The following DUSP28 variants were observed in gnomAD, a reference collection of about 807,000 sequenced individuals.
DUSP28 encodes dual specificity phosphatase 28.
A neutral mutation model predicts 8.4 loss-of-function variants in DUSP28; 11 were observed. The ratio of observed to expected loss-of-function variants is 1.31; its 90% CI spans 0.83 to 2.17. The LOEUF (loss-of-function observed/expected upper bound fraction) is 2.17. DUSP28 is among the 30% of genes most tolerant of loss of function. The pLI is 0.00. For synonymous variants in DUSP28, 178 were observed against 130.9 expected (o/e 1.36, Z -2.46); for missense variants, 373 against 270.4 (o/e 1.38, Z -2.66).
At position 240,561,446 on chromosome 2, in the gene DUSP28, A is replaced by C. The variant is rs1490878513; in HGVS notation, c.510A>C (p.Leu170Phe). 6.2e-7 allele frequency: 1 copy of C among 1,613,604 alleles called. No homozygotes were observed. The highest frequency in any genetic ancestry group is 8.5e-7 in the Non-Finnish European group (1 of 1,179,964). ...GCCTGCAGGGAGAGCCCCCAGCCTT[A>C]GGGTTGGGCCCTGAGGCTTGAAGCT... ...QSCLQGEPPA[L>F]GLGPEA The change falls in exon 2 of 2, where the codon TTA (leucine) becomes TTC (phenylalanine). Residue 170 changes from leucine to phenylalanine, a missense_variant. Coordinates refer to ENST00000405954, the MANE Select transcript of DUSP28 (RefSeq NM_001370465.2).
rs866492313 is a variant in DUSP28, at chr2:240,562,749, G to A, written c.*1282G>A. 6.6e-6 allele frequency: 1 copy of A among 152,238 alleles called. No individual in the cohort carries two copies. The highest frequency in any genetic ancestry group is 1.5e-5 in the Non-Finnish European group (1 of 68,036). The allele number at this position is 152,238 out of a possible 1,614,324, so 9.4% of individuals were successfully genotyped here. On this transcript the variant is annotated 3_prime_UTR_variant, in exon 2 of 2. Coordinates refer to ENST00000405954, the MANE Select transcript of DUSP28 (RefSeq NM_001370465.2). ...CTTGTTAAATGTCTTAACATTGCAA[G>A]TGAGGGTTCCCATTTTATCAGAAAA...
In DUSP28 at chr2:240,561,074, C is replaced by T. The variant is rs201249226; in HGVS notation, c.390C>T (p.Phe130=). 8.7e-4 allele frequency: 1,288 copies of T among 1,485,954 alleles called. 15 individuals carry two copies. In the African/African-American group the frequency reaches 0.016, roughly 19 times the overall value. 92.0% of individuals were successfully genotyped at this position (1,485,954 alleles called of 1,614,324 possible). A position where few individuals can be genotyped will look rare whatever the true frequency, so the allele number is the denominator to read the frequency against. The change falls in exon 1 of 2, where the codon TTC becomes TTT. Residue 130 remains phenylalanine (F), a synonymous_variant. Transcript: ENST00000405954. ...RHRGLSLAKA[F]QMVKSARPVA... ...GCGGCCTCAGCCTGGCGAAGGCCTT[C>T]CAGGTGGGCGGGCCTTTAGGGGGGC...
chr2:240,561,230 T>C, intron 1 of DUSP28, 100 bp from the exon 2 acceptor site: 1 of 1,588,204 alleles, frequency 6.3e-7, no homozygotes, highest in Non-Finnish European at 8.5e-7. Context: ...AGAGAGGCAC[T>C]TCCGGGTTGG....
rs2092964909 is a variant in DUSP28, at chr2:240,561,769, A to T, written c.*302A>T. 2.8e-6 allele frequency: 1 copy of T among 357,954 alleles called. No individual in the cohort carries two copies. The highest frequency in any genetic ancestry group is 5.1e-6 in the Non-Finnish European group (1 of 195,110). 22.2% of individuals were successfully genotyped at this position (357,954 alleles called of 1,614,324 possible). A position where few individuals can be genotyped will look rare whatever the true frequency, so the allele number is the denominator to read the frequency against. On this transcript the variant is annotated 3_prime_UTR_variant, in exon 2 of 2. Transcript: ENST00000405954. The stretch of plus-strand genomic sequence containing the variant: ...CCGGCGCATTCTACCAGTCTCAGGG[A>T]AGGACATGAGTACAGACTACAGTAA...
Position 240,560,551 on chromosome 2 carries a change from G to T in DUSP28, c.-134G>T, listed in dbSNP as rs2092884106. 6.4e-6 allele frequency: 8 copies of T among 1,245,556 alleles called. No homozygotes were observed. Among genetic ancestry groups the T allele is most frequent in the South Asian group, 4.6e-5 (2 of 43,928 alleles). The allele number at this position is 1,245,556 out of a possible 1,614,324, so 77.2% of individuals were successfully genotyped here. On this transcript the variant is annotated 5_prime_UTR_variant, in exon 1 of 2. Transcript: ENST00000405954. The stretch of plus-strand genomic sequence containing the variant: ...CGCGGGGGACCCAAGCCCCAGCCTG[G>T]TCCACCTCGGAGGCCTCTAGGACCC...
rs746519026 is a variant in DUSP28 at position 240,561,333 on chromosome 2, G to T, written c.397G>T (p.Val133Leu). 5 of 1,613,852 alleles carry T rather than the reference G, an allele frequency of 3.1e-6. No homozygotes were observed. In the Admixed American group the frequency reaches 8.3e-5, roughly 27 times the overall value. ...GLSLAKAFQM[V>L]KSARPVAEPN... ...TCAGTACACTTCTTGTTTGCAGATG[G>T]TGAAGAGCGCTCGCCCGGTAGCAGA... Residue 133 changes from valine (V) to leucine (L), a missense_variant, in exon 2 of 2, where the codon GTG becomes TTG. Val to Leu is a conservative substitution (Grantham distance 32, BLOSUM62 1). Coordinates refer to ENST00000405954, the MANE Select transcript of DUSP28 (RefSeq NM_001370465.2).
Position 240,564,264 on chromosome 2 carries a change from C to G in DUSP28, c.*2797C>G, listed in dbSNP as rs1320617155. Among the ~76,000 whole-genome samples the G allele has an allele frequency of 1.3e-5, 2 of 152,238 alleles. No homozygotes were observed. Among genetic ancestry groups the G allele is most frequent in the African/African-American group, 4.8e-5 (2 of 41,468 alleles). ...CAAGAGAATCCTCCACCTCAGTGGC[C>G]CTGAAGTGGCCTGAAGGGCCCGCTC... On this transcript the variant is annotated 3_prime_UTR_variant, in exon 2 of 2. Coordinates refer to ENST00000405954, the MANE Select transcript of DUSP28 (RefSeq NM_001370465.2).
chr2:240,564,348 A>G lies in DUSP28; in HGVS notation c.*2881A>G, dbSNP rs1403107448. Among the ~76,000 whole-genome samples the G allele has an allele frequency of 6.6e-6, 1 of 152,194 alleles. No individual in the cohort carries two copies. Among genetic ancestry groups the G allele is most frequent in the East Asian group, 1.9e-4 (1 of 5,190 alleles). On this transcript the variant is annotated 3_prime_UTR_variant, in exon 2 of 2. Transcript: ENST00000405954. ...TGGTCCCACGGCACCACGGCCGCCCAGTGCACTCGCCTCCACACTGAGTTT... is the reference window on the plus strand; with the variant it reads ...TGGTCCCACGGCACCACGGCCGCCCGGTGCACTCGCCTCCACACTGAGTTT...
intron 1 of DUSP28, 41 bp from the exon 2 acceptor site, chr2:240,561,289 T>A (rs764534498): frequency 6.2e-7 from 1 of 1,612,892 alleles, no homozygotes; most frequent in South Asian, 1.1e-5. Context: ...TGCTGGCCAT[T>A]AGCGCGACTT....
rs140331002 is a variant in DUSP28 at position 240,561,424 on chromosome 2, T to C, written c.488T>C (p.Leu163Pro). Residue 163 changes from leucine (L) to proline (P), a missense_variant, in exon 2 of 2, where the codon CTG becomes CCG. Transcript: ENST00000405954. ...GAGGCCCTCCAGGCCCAGTCCTGCC[T>C]GCAGGGAGAGCCCCCAGCCTTAGGG... ...YEEALQAQSC[L>P]QGEPPALGLG... 3.5e-5 allele frequency: 57 copies of C among 1,613,620 alleles called. 1 individual carries two copies. The Admixed American group carries it at 8.3e-4, about 24-fold the overall frequency.
rs1338526511 is a variant in DUSP28, at chr2:240,561,071, C to T, written c.387C>T (p.Ala129=). 9 of 1,487,060 alleles carry T rather than the reference C, an allele frequency of 6.1e-6. No individual in the cohort carries two copies. The South Asian group carries it at 9.2e-5, about 15-fold the overall frequency. 92.1% of individuals were successfully genotyped at this position (1,487,060 alleles called of 1,614,324 possible). The change falls in exon 1 of 2, where the codon GCC becomes GCT. Residue 129 remains alanine, a synonymous_variant. Transcript: ENST00000405954. ...ACCGCGGCCTCAGCCTGGCGAAGGC[C>T]TTCCAGGTGGGCGGGCCTTTAGGGG... is the stretch of plus-strand genomic sequence containing the variant. The part of the protein sequence containing the change: ...MRHRGLSLAK[A]FQMVKSARPV...
intron 1 of DUSP28, 66 bp downstream of exon 1, chr2:240,561,143 G>A (rs1205192663): frequency 3.7e-5 from 54 of 1,456,416 alleles, no homozygotes; most frequent in Non-Finnish European, 4.9e-5. Context: ...AGTTTTCCGG[G>A]CGGGGCCGGC....
chr2:240,560,260 G>A (rs1009500100), upstream of DUSP28: 1 of 160,076 alleles, frequency 6.2e-6, no homozygotes, highest in African/African-American at 2.4e-5. Context: ...CGGGGCCCTA[G>A]CCGAACGACG....
rs2092978751 is a variant in DUSP28 at position 240,562,368 on chromosome 2, G to A, written c.*901G>A. 1 of 152,232 alleles carries A rather than the reference G, an allele frequency of 6.6e-6. No homozygotes were observed. The highest frequency in any genetic ancestry group is 2.1e-4 in the South Asian group (1 of 4,834). The allele number at this position is 152,232 out of a possible 1,614,324, so 9.4% of individuals were successfully genotyped here. Reference sequence around the variant, plus strand: ...CCCAAAGTGCTGGGATTACAGGCGTGAGCCACCGTGCCCAGCCTCCTTTTT... The same window carrying A: ...CCCAAAGTGCTGGGATTACAGGCGTAAGCCACCGTGCCCAGCCTCCTTTTT... On this transcript the variant is annotated 3_prime_UTR_variant, in exon 2 of 2. Coordinates refer to ENST00000405954, the MANE Select transcript of DUSP28 (RefSeq NM_001370465.2).
chr2:240,560,652 C>T lies in DUSP28; in HGVS notation c.-33C>T. ...CGCCTGAGCCCCCAAAATAGATCCT[C>T]AGGGCCCAAAAGCAGACTCTTCGGC... On this transcript the variant is annotated 5_prime_UTR_variant, in exon 1 of 2. Transcript: ENST00000405954. The T allele has an allele frequency of 6.8e-7, 1 of 1,476,316 alleles. No individual in the cohort carries two copies. The highest frequency in any genetic ancestry group is 2.6e-5 in the Admixed American group (1 of 38,502). The allele number at this position is 1,476,316 out of a possible 1,614,324, so 91.5% of individuals were successfully genotyped here.
In DUSP28 at chr2:240,560,904, C is replaced by A; in HGVS notation, c.220C>A (p.Pro74Thr). ...AELRVPVFDD[P>T]AEDLLAHLEP... Reference sequence around the variant, plus strand: ...GCTGCGCGTGCCCGTGTTCGACGACCCGGCTGAGGACCTGCTGGCGCACCT... The same window carrying A: ...GCTGCGCGTGCCCGTGTTCGACGACACGGCTGAGGACCTGCTGGCGCACCT... Residue 74 changes from proline to threonine, a missense_variant, in exon 1 of 2, where the codon CCG (proline) becomes ACG (threonine). Coordinates refer to ENST00000405954, the MANE Select transcript of DUSP28 (RefSeq NM_001370465.2). 1 of 1,526,388 alleles carries A rather than the reference C, an allele frequency of 6.6e-7. No individual in the cohort carries two copies. Among genetic ancestry groups the A allele is most frequent in the Non-Finnish European group, 8.7e-7 (1 of 1,150,554 alleles). 94.6% of individuals were successfully genotyped at this position (1,526,388 alleles called of 1,614,324 possible).
In DUSP28 at chr2:240,562,996, T is replaced by C. The variant is rs1019331612; in HGVS notation, c.*1529T>C. The C allele has an allele frequency of 2.0e-5, 3 of 153,752 alleles. No individual in the cohort carries two copies. The highest frequency in any genetic ancestry group is 1.3e-4 in the Admixed American group (2 of 15,282). 9.5% of individuals were successfully genotyped at this position (153,752 alleles called of 1,614,324 possible). ...ACAATGCTGTGAGCTGGAATCCTCT[T>C]TCAGGTACCAAATGTCACCATACTT... On this transcript the variant is annotated 3_prime_UTR_variant, in exon 2 of 2. Transcript: ENST00000405954.
Position 240,563,943 on chromosome 2 carries a change from C to T in DUSP28, c.*2476C>T, listed in dbSNP as rs1014549444. 2 of 152,266 alleles carry T rather than the reference C, an allele frequency of 1.3e-5. No homozygotes were observed. The highest frequency in any genetic ancestry group is 6.5e-5 in the Admixed American group (1 of 15,278). 9.4% of individuals were successfully genotyped at this position (152,266 alleles called of 1,614,324 possible). On this transcript the variant is annotated 3_prime_UTR_variant, in exon 2 of 2. Coordinates refer to ENST00000405954, the MANE Select transcript of DUSP28 (RefSeq NM_001370465.2). ...AAATCATAAGAATAATCATCAAAGG[C>T]AAGAGGGTTGTATATTTTCCCGTTG...
Position 240,560,533 on chromosome 2 carries a change from G to A in DUSP28, c.-152G>A, listed in dbSNP as rs576520296. On this transcript the variant is annotated 5_prime_UTR_variant, in exon 1 of 2. Coordinates refer to ENST00000405954, the MANE Select transcript of DUSP28 (RefSeq NM_001370465.2). ...CTGTCCCGGCCCAGCGCCCGCGGGG[G>A]ACCCAAGCCCCAGCCTGGTCCACCT... is the stretch of plus-strand genomic sequence containing the variant. 3.5e-6 allele frequency: 4 copies of A among 1,159,356 alleles called. No individual in the cohort carries two copies. The highest frequency in any genetic ancestry group is 2.2e-6 in the Non-Finnish European group (2 of 904,570). 71.8% of individuals were successfully genotyped at this position (1,159,356 alleles called of 1,614,324 possible). A position where few individuals can be genotyped will look rare whatever the true frequency, so the allele number is the denominator to read the frequency against.
Sources: allele counts gnomAD v4.1 joint callset (sites outside exome capture counted in the v4.1 genomes callset), GRCh38; gene constraint gnomAD v4.1.1; transcripts MANE v1.5; gene names NCBI Gene and HGNC (gene_info 2026-07-23, HGNC 2026-07-21).